The following SCOC variants were observed in gnomAD, a reference collection of about 807,000 sequenced individuals.
SCOC encodes short coiled coil protein.
A neutral mutation model predicts 9.9 loss-of-function variants in SCOC; 7 were observed. That is an observed-to-expected ratio of 0.71 (90% CI 0.40 to 1.33). The LOEUF (loss-of-function observed/expected upper bound fraction) is 1.33. SCOC is among the 40% of genes most tolerant of loss of function. The probability of loss-of-function intolerance (pLI) is 0.01; values close to 1 mark genes in which losing one functional copy is unlikely to be tolerated. For synonymous variants in SCOC, 19 were observed against 28.2 expected, an observed-to-expected ratio of 0.67 and a Z score of 1.03; for missense variants, 66 against 89.7, an observed-to-expected ratio of 0.74 and a Z score of 1.07.
intron 1 of SCOC, among the ~76,000 whole-genome samples, chr4:140,318,486 T>C (rs376426046): frequency 9.7e-6 from 1 of 103,506 alleles, no homozygotes; most frequent in Non-Finnish European, 1.8e-5. Flanking sequence ...AAAATGCTCA[T>C]CATCACTGGC....
At chr4:140,355,562 T>C (rs947776782) in intron 2 of SCOC, among the ~76,000 whole-genome samples, 1 of 152,110 alleles carries the variant, frequency 6.6e-6, no homozygotes, top group African/African-American at 2.4e-5. Flanking sequence ...ATAGATAGCA[T>C]TTCTGCATTG....
chr4:140,353,853 C>T (rs1420972368), intron 2 of SCOC, among the ~76,000 whole-genome samples: 2 of 152,222 alleles, frequency 1.3e-5, no homozygotes. Context: ...ACACAGTCAA[C>T]AGCAGGCTCT....
intron 1 of SCOC, among the ~76,000 whole-genome samples, chr4:140,307,847 A>G (rs1390663555): frequency 6.6e-6 from 1 of 152,250 alleles, no homozygotes; most frequent in Non-Finnish European, 1.5e-5. Flanking sequence ...TCATGACAAG[A>G]GATGATAATA....
At chr4:140,333,944 G>A (rs1050726772) in intron 1 of SCOC, among the ~76,000 whole-genome samples, 4 of 152,116 alleles carry the variant, frequency 2.6e-5, no homozygotes, top group Non-Finnish European at 4.4e-5. Context: ...AAGAGAAAGC[G>A]TTTTGCTCTG....
chr4:140,357,769 A>G (rs1448622694), intron 2 of SCOC, among the ~76,000 whole-genome samples: 3 of 152,216 alleles, frequency 2.0e-5, no homozygotes, highest in Admixed American at 2.0e-4. Context: ...CCATCTCACT[A>G]TACTACTTTT....
At chr4:140,362,298 T>C (rs1560720793) in intron 2 of SCOC, among the ~76,000 whole-genome samples, 3 of 29,304 alleles carry the variant, frequency 1.0e-4, no homozygotes, top group Non-Finnish European at 1.9e-4. Flanking sequence ...TTCTTCTTCT[T>C]CTTTTTTTTT....
chr4:140,359,798 T>C (rs368255654), intron 2 of SCOC, among the ~76,000 whole-genome samples: 7 of 152,290 alleles, frequency 4.6e-5, no homozygotes, highest in African/African-American at 1.7e-4. Context: ...TGCTTTGTAC[T>C]CTCTCTAAAG....
intron 2 of SCOC, among the ~76,000 whole-genome samples, chr4:140,349,207 G>A (rs1264236476): frequency 6.6e-6 from 1 of 152,198 alleles, no homozygotes; most frequent in Non-Finnish European, 1.5e-5. Flanking sequence ...GGAGGGTTGA[G>A]GGTTGAGGCT....
At chr4:140,327,034 G>A (rs1031306679) in intron 1 of SCOC, among the ~76,000 whole-genome samples, 1 of 152,164 alleles carries the variant, frequency 6.6e-6, no homozygotes, top group Non-Finnish European at 1.5e-5. Flanking sequence ...AGGATGGCTT[G>A]AAGAAGTTGA....
At chr4:140,291,090 G>A (rs568143040) in intron 1 of SCOC, among the ~76,000 whole-genome samples, 2 of 152,320 alleles carry the variant, frequency 1.3e-5, no homozygotes, top group African/African-American at 4.8e-5. Flanking sequence ...CAACACAACA[G>A]GGCTTGCTGG....
At chr4:140,283,477 C>A (rs1468949357) in intron 1 of SCOC, among the ~76,000 whole-genome samples, 1 of 151,922 alleles carries the variant, frequency 6.6e-6, no homozygotes, top group East Asian at 1.9e-4. Flanking sequence ...TTTAAATGTC[C>A]TTCTGAACTC....
At chr4:140,291,664 A>G (rs1731476714) in intron 1 of SCOC, 3 of 375,446 alleles carry the variant, frequency 8.0e-6, no homozygotes, top group Non-Finnish European at 1.6e-5. Context: ...TTCTGGGAAT[A>G]AAATCACATC....
chr4:140,373,179 G>A (rs1297249095), upstream of SCOC: 6 of 673,666 alleles, frequency 8.9e-6, no homozygotes, highest in Admixed American at 5.0e-5. Context: ...ATTAAGGAAC[G>A]ACGGTGTCGC....
intron 1 of SCOC, among the ~76,000 whole-genome samples, chr4:140,297,430 A>G (rs1731678816): frequency 1.3e-5 from 2 of 151,888 alleles, no homozygotes; most frequent in African/African-American, 4.8e-5. Context: ...ATCTCTGGCT[A>G]CTCCTACTCA....
At chr4:140,278,309 T>C (rs1425744142) in intron 1 of SCOC, among the ~76,000 whole-genome samples, 1 of 151,990 alleles carries the variant, frequency 6.6e-6, no homozygotes, top group Non-Finnish European at 1.5e-5. Flanking sequence ...GAAGCCTTTT[T>C]TTTTTTTTGA....
chr4:140,295,964 A>T (rs1451197039), intron 1 of SCOC, among the ~76,000 whole-genome samples: 9 of 151,580 alleles, frequency 5.9e-5, no homozygotes. Flanking sequence ...AAGAAAAAAA[A>T]AAAGAAAATC....
chr4:140,317,266 A>G (rs1465379164), intron 1 of SCOC, among the ~76,000 whole-genome samples: 2 of 152,132 alleles, frequency 1.3e-5, no homozygotes, highest in African/African-American at 2.4e-5. Context: ...TCTGCCTCCA[A>G]ACAAAGAAGA....
chr4:140,283,600 G>A (rs955737850), intron 1 of SCOC: 5 of 152,100 alleles, frequency 3.3e-5, no homozygotes, highest in African/African-American at 1.2e-4. Flanking sequence ...GTGATTTCTT[G>A]ACACAAAACA....
upstream of SCOC, chr4:140,373,350 C>T: frequency 7.0e-7 from 1 of 1,425,726 alleles, no homozygotes; most frequent in Non-Finnish European, 9.2e-7. Flanking sequence ...CTCAGGTTTC[C>T]TGATAGACCT....
Sources: gnomAD v4.1 joint callset for allele counts (sites outside exome capture counted in the v4.1 genomes callset) on GRCh38, gnomAD v4.1.1 for gene constraint, MANE v1.5 for transcripts, NCBI Gene and HGNC (gene_info 2026-07-23, HGNC 2026-07-21) for gene names.